The following SATB1 variants were observed in gnomAD, a reference collection of about 807,000 sequenced individuals.
SATB1 encodes DNA-binding protein SATB1.
In SATB1, 11 loss-of-function variants were observed where a neutral mutation model predicts 86.9. The ratio of observed to expected loss-of-function variants is 0.13; its 90% confidence interval spans 0.08 to 0.21. The LOEUF is 0.21. Ranked by LOEUF, SATB1 falls within the 10% of genes least tolerant of loss-of-function variation. The pLI is 1.00. For missense variants in SATB1, 551 were observed against 937.6 expected (o/e 0.59, Z 5.39); for synonymous variants, 357 against 357.2 (o/e 1.00, Z 0.01).
intron 5 of SATB1, among the ~76,000 whole-genome samples, chr3:18,414,410 C>T (rs1483652522): frequency 2.0e-5 from 3 of 151,656 alleles, no homozygotes; most frequent in East Asian, 3.9e-4. Context: ...AGCTGCCCTC[C>T]ACCAAATTTA....
intron 7 of SATB1, among the ~76,000 whole-genome samples, chr3:18,388,855 C>G (rs1696483535): frequency 6.6e-6 from 1 of 152,044 alleles, no homozygotes; most frequent in African/African-American, 2.4e-5. Flanking sequence ...TAACAAAGTA[C>G]TATATCACAT....
At chr3:18,445,098 C>A in intron 1 of SATB1, 1 of 551,842 alleles carries the variant, frequency 1.8e-6, no homozygotes, top group Non-Finnish European at 2.3e-6. Flanking sequence ...ACCGGGCACG[C>A]TGCGCCCGGG....
intron 5 of SATB1, chr3:18,414,865 T>C (rs1002757241): frequency 2.4e-5 from 9 of 376,152 alleles, no homozygotes; most frequent in Non-Finnish European, 4.3e-5. Context: ...GCCAGCGGAG[T>C]CTTCCACTGA....
At chr3:18,377,500 C>T (rs758812863) in intron 9 of SATB1, among the ~76,000 whole-genome samples, 2 of 152,142 alleles carry the variant, frequency 1.3e-5, no homozygotes, top group Admixed American at 6.5e-5. Flanking sequence ...AAAGACTATA[C>T]GACCTATCCT....
chr3:18,371,280 T>C (rs1278181165), intron 9 of SATB1, among the ~76,000 whole-genome samples: 2 of 152,158 alleles, frequency 1.3e-5, no homozygotes, highest in South Asian at 2.1e-4. Context: ...AAACATCAAT[T>C]TGACAATTGT....
Position 18,386,467 on chromosome 3 carries a change from T to A in SATB1, c.1351A>T (p.Ser451Cys). 3 of 1,614,118 alleles carry A rather than the reference T, an allele frequency of 1.9e-6. No individual in the cohort carries two copies. Among genetic ancestry groups the A allele is most frequent in the Non-Finnish European group, 1.7e-6 (2 of 1,180,028 alleles). ...CCCATGGCCGAGGCAGCATTCAAGCTCCTTTCCCTTTCGTCCTGGTATATT... is the reference window on the plus strand; with the variant it reads ...CCCATGGCCGAGGCAGCATTCAAGCACCTTTCCCTTTCGTCCTGGTATATT... ...DRIYQDERER[S>C]LNAASAMGPA... The change falls in exon 8 of 11, where the codon AGC (serine) becomes TGC (cysteine). Residue 451 changes from serine to cysteine, a missense_variant. Around this residue, in one of 8 missense-constraint regions of SATB1, gnomAD observed 110 missense variants for 212.2 expected, o/e 0.52. Transcript: ENST00000338745. This position sits in a 1 kb window ranked among gnomAD's most constrained non-coding sequence, Gnocchi z 4.5.
chr3:18,412,687 T>A lies in SATB1; in HGVS notation c.639+2424A>T, dbSNP rs117380337. Among the ~76,000 whole-genome samples, 125 of 152,214 alleles carry A rather than the reference T, an allele frequency of 8.2e-4. 1 individual carries two copies. The East Asian group carries it at 0.021, about 25-fold the overall frequency. On this transcript the variant is annotated intron_variant, in intron 5 of 10. Coordinates refer to ENST00000338745, the MANE Select transcript of SATB1 (RefSeq NM_002971.6). Reference sequence around the variant, plus strand: ...TTGCTAGGCTTTTTTCACCATGACATCTTCATCACCAAATCTTAACCATAG... The same window carrying A: ...TTGCTAGGCTTTTTTCACCATGACAACTTCATCACCAAATCTTAACCATAG...
At chr3:18,438,431 C>G (rs985906639) in intron 1 of SATB1, 1 of 152,160 alleles carries the variant, frequency 6.6e-6, no homozygotes, top group Non-Finnish European at 1.5e-5. Flanking sequence ...TATCTGGTCC[C>G]AAATTTTCTA....
At chr3:18,412,380 T>C (rs1280136841) in intron 5 of SATB1, among the ~76,000 whole-genome samples, 3 of 151,986 alleles carry the variant, frequency 2.0e-5, no homozygotes, top group African/African-American at 7.2e-5. Context: ...CCAGTTCCAC[T>C]CCTCCTGGCC....
intron 4 of SATB1, 142 bp downstream of exon 4, chr3:18,415,865 G>T: frequency 1.7e-6 from 1 of 601,346 alleles, no homozygotes; most frequent in Non-Finnish European, 2.6e-6. Flanking sequence ...AAGGCAGAAG[G>T]ATAGGGTAAC....
At chr3:18,413,440 C>T (rs1045051854) in intron 5 of SATB1, among the ~76,000 whole-genome samples, 1 of 151,996 alleles carries the variant, frequency 6.6e-6, no homozygotes, top group Non-Finnish European at 1.5e-5. Context: ...AAGACACATG[C>T]GATTCCAGTA....
chr3:18,400,157 T>A (rs1697180988), intron 5 of SATB1, among the ~76,000 whole-genome samples: 1 of 152,188 alleles, frequency 6.6e-6, no homozygotes, highest in South Asian at 2.1e-4. Flanking sequence ...AAAATTTTCC[T>A]AGGTGGTGGG....
chr3:18,407,087 C>T (rs560767777), intron 5 of SATB1, among the ~76,000 whole-genome samples: 1 of 151,976 alleles, frequency 6.6e-6, no homozygotes, highest in Admixed American at 6.6e-5. Flanking sequence ...AGGACAGAAC[C>T]TTGGGTGCTG....
rs1694090319 is a variant in SATB1, at chr3:18,346,995, T to C, written c.*2175A>G. Reference sequence around the variant, plus strand: ...TAAATAAAAAGTGGCAACTTTTCAGTACAATTTTAAGTTTGCAACAAACCA... The same window carrying C: ...TAAATAAAAAGTGGCAACTTTTCAGCACAATTTTAAGTTTGCAACAAACCA... On this transcript the variant is annotated 3_prime_UTR_variant, in exon 11 of 11. Coordinates refer to ENST00000338745, the MANE Select transcript of SATB1 (RefSeq NM_002971.6). The C allele has an allele frequency of 6.6e-6, 1 of 152,308 alleles. No individual in the cohort carries two copies. The highest frequency in any genetic ancestry group is 2.4e-5 in the African/African-American group (1 of 41,570). The allele number at this position is 152,308 out of a possible 1,614,324, so 9.4% of individuals were successfully genotyped here. A position where few individuals can be genotyped will look rare whatever the true frequency, so the allele number is the denominator to read the frequency against.
At chr3:18,395,723 G>C (rs955726221) in intron 6 of SATB1, among the ~76,000 whole-genome samples, 1 of 152,160 alleles carries the variant, frequency 6.6e-6, no homozygotes, top group Non-Finnish European at 1.5e-5. Context: ...GAATCGTTCT[G>C]GTACAATGGT....
intron 9 of SATB1, among the ~76,000 whole-genome samples, chr3:18,357,602 G>T (rs567785456): frequency 2.4e-4 from 34 of 143,636 alleles, no homozygotes; most frequent in African/African-American, 8.8e-4. Context: ...TTTCATATCA[G>T]TGTGTTCTAC....
rs1694145992 is a variant in SATB1 at position 18,348,051 on chromosome 3, C to A, written c.*1119G>T. On this transcript the variant is annotated 3_prime_UTR_variant, in exon 11 of 11. Coordinates refer to ENST00000338745, the MANE Select transcript of SATB1 (RefSeq NM_002971.6). ...CACTTATAAAAACAGCCAGCTGTAA[C>A]AAAATAGCTGTTTTCATAGCCATAA... is the stretch of plus-strand genomic sequence containing the variant. 1 of 152,544 alleles carries A rather than the reference C, an allele frequency of 6.6e-6. No homozygotes were observed. The highest frequency in any genetic ancestry group is 1.5e-5 in the Non-Finnish European group (1 of 67,984). 9.4% of individuals were successfully genotyped at this position (152,544 alleles called of 1,614,324 possible).
chr3:18,372,085 GACAAAAGGTGCTCTCATATT>G (rs1695503031), intron 9 of SATB1, among the ~76,000 whole-genome samples: 1 of 152,138 alleles, frequency 6.6e-6, no homozygotes, highest in African/African-American at 2.4e-5. Flanking sequence ...AACATTTTAG[GACAAAAGGTGCTCTCATATT>G]AAAGCAGGTT....
At chr3:18,441,668 A>G (rs561825788), upstream of SATB1, among the ~76,000 whole-genome samples, 1 of 152,274 alleles carries the variant, frequency 6.6e-6, no homozygotes, top group South Asian at 2.1e-4. Context: ...CTGTATATCC[A>G]TGTTGTGTTT....
Sources: allele counts gnomAD v4.1 joint callset (sites outside exome capture counted in the v4.1 genomes callset), GRCh38; gene constraint gnomAD v4.1.1; regional missense constraint gnomAD v4.1.1; non-coding constraint Gnocchi (gnomAD v3.1); transcripts MANE v1.5; gene names NCBI Gene and HGNC (gene_info 2026-07-23, HGNC 2026-07-21).